SMG9: variants seen among roughly 807,000 people sequenced by gnomAD.
The protein encoded by SMG9 is SMG9 nonsense mediated mRNA decay factor.
In SMG9, 55 loss-of-function variants were observed where a neutral mutation model predicts 64.0. The observed-to-expected ratio is 0.86, with a 90% CI of 0.69 to 1.08. The LOEUF (loss-of-function observed/expected upper bound fraction) is 1.08. Ranked by LOEUF, SMG9 falls within the 50% of genes least tolerant of loss-of-function variation. The probability of loss-of-function intolerance (pLI) is 0.00; values close to 1 mark genes in which losing one functional copy is unlikely to be tolerated. For missense variants in SMG9, 554 were observed against 681.3 expected (o/e 0.81, Z 2.08); for synonymous variants, 244 against 254.8 (o/e 0.96, Z 0.41).
chr19:43,733,243 C>A (rs971164727), intron 12 of SMG9, 81 bp downstream of exon 12: 1 of 1,551,452 alleles, frequency 6.4e-7, no homozygotes, highest in East Asian at 2.3e-5. Context: ...CCCATGTCGC[C>A]TCCTAGACCA....
At position 43,750,401 on chromosome 19, in the gene SMG9, T is replaced by G. The variant is rs190293798; in HGVS notation, c.150+191A>C. Among the ~76,000 whole-genome samples the G allele has an allele frequency of 9.8e-5, 15 of 152,342 alleles. No individual in the cohort carries two copies. In the East Asian group the frequency reaches 2.5e-3, roughly 25 times the overall value. On this transcript the variant is annotated intron_variant, in intron 2 of 13. Transcript: ENST00000270066. ...TTCAAGTCTCTGCTAAAAAGTCACC[T>G]CTTCAGAGAGACCTTCTCTGACCAT...
chr19:43,733,002 C>T lies in SMG9; in HGVS notation c.1340G>A (p.Gly447Glu). Reference sequence around the variant, plus strand: ...GGAGAAGAGTGGGCTGGAACCAGGTCCTGGAAAGTTGGGGCAGGGAGGGTA... The same window carrying T: ...GGAGAAGAGTGGGCTGGAACCAGGTTCTGGAAAGTTGGGGCAGGGAGGGTA... The part of the protein sequence containing the change: ...EAESENPPRA[G>E]PGSSPLFSLL... The change falls in exon 13 of 14, where the codon GGA becomes GAA. Residue 447 changes from glycine to glutamate, a missense_variant and splice_region_variant. Physicochemically the swap from Gly to Glu is moderately conservative, Grantham distance 98. Coordinates refer to ENST00000270066, the MANE Select transcript of SMG9 (RefSeq NM_019108.4). 2.5e-6 allele frequency: 4 copies of T among 1,607,796 alleles called. No homozygotes were observed. Among genetic ancestry groups the T allele is most frequent in the Non-Finnish European group, 3.4e-6 (4 of 1,177,022 alleles).
At chr19:43,749,242 A>G (rs1269976722) in intron 2 of SMG9, among the ~76,000 whole-genome samples, 1 of 152,206 alleles carries the variant, frequency 6.6e-6, no homozygotes, top group African/African-American at 2.4e-5. Context: ...ACTAGCACAG[A>G]GGAAGCAGGG....
At position 43,731,719 on chromosome 19, in the gene SMG9, C is replaced by A. The variant is rs766212957; in HGVS notation, c.1485-45G>T. 7.4e-6 allele frequency: 12 copies of A among 1,613,394 alleles called. No individual in the cohort carries two copies. In the South Asian group the frequency reaches 1.1e-4, roughly 15 times the overall value. ...CAGGGCTGCCTGGCCGGGGCTCCCC[C>A]CAGCCCAGCACCAACCCGGGACAGG... On this transcript the variant is annotated intron_variant, in intron 13 of 13. Coordinates refer to ENST00000270066, the MANE Select transcript of SMG9 (RefSeq NM_019108.4).
Position 43,740,299 on chromosome 19 carries a change from G to GAA in SMG9, c.702-82_702-81insTT, listed in dbSNP as rs996320065. On this transcript the variant is annotated intron_variant, in intron 6 of 13. Coordinates refer to ENST00000270066, the MANE Select transcript of SMG9 (RefSeq NM_019108.4). ...CATCCGAAGTGTGACCCTGTGAGCT[G>GAA]AGCATGTGAGCCGTGGTGCCCTGCC... 134 of 1,014,212 alleles carry GAA rather than the reference G, an allele frequency of 1.3e-4. No homozygotes were observed. In the African/African-American group the frequency reaches 2.0e-3, roughly 15 times the overall value. 62.8% of individuals were successfully genotyped at this position (1,014,212 alleles called of 1,614,324 possible). A position where few individuals can be genotyped will look rare whatever the true frequency, so the allele number is the denominator to read the frequency against.
chr19:43,750,358 G>T, intron 2 of SMG9: 1 of 700,706 alleles, frequency 1.4e-6, no homozygotes, highest in Non-Finnish European at 2.6e-6. Flanking sequence ...TGCTGGCATG[G>T]CTTATTCTCT....
chr19:43,747,923 A>G (rs775115866), intron 3 of SMG9, 26 bp from the exon 4 acceptor site: 4 of 1,613,872 alleles, frequency 2.5e-6, no homozygotes, highest in South Asian at 1.1e-5. Context: ...AAATCCCATC[A>G]ATGGGGGCAA....
chr19:43,728,938 C>G lies in SMG9; in HGVS notation c.*2658G>C. ...GGAGAGCCACAAGCAGCAGGCATTC[C>G]TGGTGGCCAGGCCCATCTTGCAGCC... On this transcript the variant is annotated 3_prime_UTR_variant, in exon 14 of 14. Transcript: ENST00000270066. The G allele has an allele frequency of 1.0e-6, 1 of 979,312 alleles. No individual in the cohort carries two copies. The highest frequency in any genetic ancestry group is 1.2e-6 in the Non-Finnish European group (1 of 824,278). The allele number at this position is 979,312 out of a possible 1,614,324, so 60.7% of individuals were successfully genotyped here.
intron 9 of SMG9, among the ~76,000 whole-genome samples, chr19:43,735,358 C>T (rs1198934518): frequency 6.6e-6 from 1 of 152,110 alleles, no homozygotes; most frequent in Non-Finnish European, 1.5e-5. Context: ...TGGCTAACGC[C>T]TGTAATCTCA....
chr19:43,731,787 G>C (rs1968494679), intron 13 of SMG9, 113 bp from the exon 14 acceptor site: 1 of 1,277,090 alleles, frequency 7.8e-7, no homozygotes, highest in South Asian at 1.3e-5. Flanking sequence ...ATGTGACTCT[G>C]AGCCTCTTGG....
chr19:43,733,787 A>G, intron 10 of SMG9, 54 bp from the exon 11 acceptor site: 1 of 1,381,970 alleles, frequency 7.2e-7, no homozygotes, highest in Non-Finnish European at 1.0e-6. Flanking sequence ...GGCTTCATGG[A>G]CTCCCCTTTC....
At chr19:43,740,705 T>C (rs184205414) in intron 6 of SMG9, among the ~76,000 whole-genome samples, 22 of 152,282 alleles carry the variant, frequency 1.4e-4, no homozygotes, top group African/African-American at 5.3e-4. Flanking sequence ...ATAAACCTAC[T>C]AGATCCCAGG....
chr19:43,733,258 G>A (rs1968543487), intron 12 of SMG9, 66 bp downstream of exon 12: 1 of 1,578,938 alleles, frequency 6.3e-7, no homozygotes. Flanking sequence ...AGACCAGTGG[G>A]TGCTGGGTCT....
At chr19:43,742,935 A>C (rs1316164767) in intron 6 of SMG9, among the ~76,000 whole-genome samples, 1 of 151,992 alleles carries the variant, frequency 6.6e-6, no homozygotes, top group East Asian at 1.9e-4. Flanking sequence ...TAAAAATATA[A>C]AAATAAGCTG....
At chr19:43,741,782 C>T (rs970238775) in intron 6 of SMG9, among the ~76,000 whole-genome samples, 1 of 152,182 alleles carries the variant, frequency 6.6e-6, no homozygotes, top group African/African-American at 2.4e-5. Context: ...TTAGCAAGGC[C>T]TTCCCTCACC....
chr19:43,747,019 T>C (rs909327475), intron 5 of SMG9, among the ~76,000 whole-genome samples: 2 of 152,096 alleles, frequency 1.3e-5, no homozygotes, highest in African/African-American at 4.8e-5. Flanking sequence ...AGTATTCCTA[T>C]GTTGCCCAGG....
intron 8 of SMG9, 88 bp downstream of exon 8, chr19:43,738,033 TG>T: frequency 7.8e-7 from 1 of 1,287,516 alleles, no homozygotes; most frequent in Non-Finnish European, 1.1e-6. Context: ...AGAAACTAAG[TG>T]GACCACCCAC....
chr19:43,753,561 G>A (rs1372359600), intron 1 of SMG9, among the ~76,000 whole-genome samples: 1 of 150,000 alleles, frequency 6.7e-6, no homozygotes, highest in South Asian at 2.1e-4. Flanking sequence ...CCCGGGTTCA[G>A]GCAATTCTCC....
chr19:43,753,301 TTAAG>T (rs1969247766), intron 1 of SMG9, among the ~76,000 whole-genome samples: 2 of 152,162 alleles, frequency 1.3e-5, no homozygotes, highest in African/African-American at 4.8e-5. Context: ...TCACTTGCAA[TTAAG>T]TGTCTTTACA....
Sources: allele counts gnomAD v4.1 joint callset (sites outside exome capture counted in the v4.1 genomes callset), GRCh38; gene constraint gnomAD v4.1.1; transcripts MANE v1.5; gene names NCBI Gene and HGNC (gene_info 2026-07-23, HGNC 2026-07-21).